AMMECR1: variants seen among roughly 807,000 people sequenced by gnomAD.
AMMECR1 encodes nuclear protein AMMECR1.
Under a neutral mutation model 22.5 loss-of-function variants are expected in AMMECR1, and 3 were observed. The observed-to-expected ratio is 0.13, with a 90% CI of 0.06 to 0.35. The LOEUF is 0.35. Among genes scored for constraint, AMMECR1 ranks in the 10% least tolerant of loss-of-function variants. AMMECR1 has a pLI of 1.00. For synonymous variants in AMMECR1, 130 were observed against 116.7 expected, an observed-to-expected ratio of 1.11 and a Z score of -0.74; for missense variants, 235 against 278.7, an observed-to-expected ratio of 0.84 and a Z score of 1.12.
intron 2 of AMMECR1, among the ~76,000 whole-genome samples, chrX:110,258,166 T>A (rs1273517999): frequency 1.8e-5 from 2 of 112,099 alleles, no homozygotes; most frequent in East Asian, 5.6e-4. Context: ...GATAAGGAAT[T>A]AGAATCTGAT....
intron 2 of AMMECR1, among the ~76,000 whole-genome samples, chrX:110,253,992 C>T (rs1413070244): frequency 2.7e-5 from 3 of 111,263 alleles, no homozygotes; most frequent in East Asian, 2.8e-4. Context: ...TTCACCTCAC[C>T]GTTAATAAGG....
At chrX:110,292,057 A>G (rs949646726) in intron 1 of AMMECR1, among the ~76,000 whole-genome samples, 1 of 112,366 alleles carries the variant, frequency 8.9e-6, no homozygotes, top group Non-Finnish European at 1.9e-5. Context: ...TTGATAATAC[A>G]CTATAATTAT....
chrX:110,283,059 C>CA (rs975956215), intron 1 of AMMECR1, among the ~76,000 whole-genome samples: 16 of 105,143 alleles, frequency 1.5e-4, no homozygotes, highest in East Asian at 1.2e-3. Context: ...TATGGGTTAA[C>CA]AAAAAAAAAA....
chrX:110,418,911 TAC>T (rs1026002568), intron 2 of AMMECR1: 1 of 107,218 alleles, frequency 9.3e-6, no homozygotes, highest in African/African-American at 3.4e-5. Flanking sequence ...CCCCGCCCTT[TAC>T]ACACACAGGC....
chrX:110,218,248 T>C, intron 2 of AMMECR1, among the ~76,000 whole-genome samples: 1 of 110,358 alleles, frequency 9.1e-6, no homozygotes, highest in Non-Finnish European at 1.9e-5. Context: ...ATTATATGCA[T>C]AAAAAACAAA....
intron 2 of AMMECR1, among the ~76,000 whole-genome samples, chrX:110,366,752 G>T (rs1209389924): frequency 1.8e-5 from 2 of 111,711 alleles, no homozygotes; most frequent in Non-Finnish European, 3.8e-5. Flanking sequence ...CCCAGCAGCC[G>T]AATGAGATTG....
At chrX:110,293,066 AAAGT>A (rs1167517466) in intron 1 of AMMECR1, among the ~76,000 whole-genome samples, 1 of 112,532 alleles carries the variant, frequency 8.9e-6, no homozygotes, top group African/African-American at 3.2e-5. Context: ...AAGATGTAGA[AAAGT>A]ATGTATAGTA....
chrX:110,212,114 T>C (rs952093152), intron 3 of AMMECR1, among the ~76,000 whole-genome samples: 1 of 111,968 alleles, frequency 8.9e-6, no homozygotes, highest in Non-Finnish European at 1.9e-5. Context: ...TAAATCCTAC[T>C]TTCCTACTAA....
intron 1 of AMMECR1, among the ~76,000 whole-genome samples, chrX:110,294,556 CA>C (rs1199636356): frequency 6.3e-5 from 7 of 111,618 alleles, no homozygotes; most frequent in Non-Finnish European, 1.3e-4. Flanking sequence ...GTGCTAATAG[CA>C]GATGGTTCAA....
intron 2 of AMMECR1, among the ~76,000 whole-genome samples, chrX:110,383,053 G>A (rs1462057745): frequency 8.9e-6 from 1 of 111,942 alleles, no homozygotes; most frequent in Non-Finnish European, 1.9e-5. Context: ...AGCTAAGTCT[G>A]GGATGAGAAA....
intron 1 of AMMECR1, among the ~76,000 whole-genome samples, chrX:110,265,334 G>A (rs937682505): frequency 1.8e-5 from 2 of 111,584 alleles, no homozygotes; most frequent in African/African-American, 6.5e-5. Context: ...GAGAGGTGAA[G>A]GGCAACAGCA....
chrX:110,304,495 A>G (rs994806969), intron 1 of AMMECR1, among the ~76,000 whole-genome samples: 27 of 112,425 alleles, frequency 2.4e-4, no homozygotes, highest in Admixed American at 1.5e-3. Context: ...ATCACTGAAC[A>G]TAGAAGGCAC....
chrX:110,336,444 G>A (rs1185494458), intron 2 of AMMECR1, among the ~76,000 whole-genome samples: 1 of 111,045 alleles, frequency 9.0e-6, no homozygotes, highest in Non-Finnish European at 1.9e-5. Context: ...AGCAGTTTGG[G>A]AGGCCGAGGT....
intron 2 of AMMECR1, among the ~76,000 whole-genome samples, chrX:110,348,264 T>G (rs2148241958): frequency 8.9e-6 from 1 of 112,254 alleles, no homozygotes; most frequent in Admixed American, 9.5e-5. Context: ...GACTTCAGTC[T>G]TCTTTTTCAT....
At chrX:110,333,227 A>G (rs2068127739) in intron 2 of AMMECR1, among the ~76,000 whole-genome samples, 1 of 112,088 alleles carries the variant, frequency 8.9e-6, no homozygotes, top group African/African-American at 3.2e-5. Flanking sequence ...CCAGCTGGAA[A>G]GGTGAAAGGC....
At chrX:110,438,189 C>T (rs762660130) in intron 1 of AMMECR1, among the ~76,000 whole-genome samples, 1 of 111,352 alleles carries the variant, frequency 9.0e-6, no homozygotes, top group Non-Finnish European at 1.9e-5. Context: ...TCTATCAGAA[C>T]CTGCTTTCAC....
chrX:110,208,113 C>A (rs2067430553), intron 3 of AMMECR1, among the ~76,000 whole-genome samples: 1 of 112,382 alleles, frequency 8.9e-6, no homozygotes, highest in Admixed American at 9.4e-5. Context: ...TCTCCTGAAC[C>A]AACTGAGATA....
chrX:110,205,633 G>C (rs1279558324), intron 3 of AMMECR1, among the ~76,000 whole-genome samples: 3 of 111,725 alleles, frequency 2.7e-5, no homozygotes, highest in Non-Finnish European at 5.6e-5. Flanking sequence ...TTGAAGTACA[G>C]CCAGGTGGGT....
chrX:110,400,139 G>A (rs755220707), intron 2 of AMMECR1, among the ~76,000 whole-genome samples: 49 of 108,094 alleles, frequency 4.5e-4, no homozygotes, highest in Non-Finnish European at 8.6e-4. Context: ...TGGCAGCGCA[G>A]TAAATAATCT....
Sources: gnomAD v4.1 joint callset for allele counts (sites outside exome capture counted in the v4.1 genomes callset) on GRCh38, gnomAD v4.1.1 for gene constraint, MANE v1.5 for transcripts, NCBI Gene and HGNC (gene_info 2026-07-23, HGNC 2026-07-21) for gene names.